The following NPAS3 variants were observed in gnomAD, a reference collection of about 807,000 sequenced individuals.
NPAS3 encodes the protein neuronal PAS domain-containing protein 3.
NPAS3 carries 14 observed loss-of-function variants against 73.1 expected under a neutral mutation model. That is an observed-to-expected ratio of 0.19 (90% confidence interval 0.13 to 0.30). The LOEUF is 0.30. Among genes scored for constraint, NPAS3 ranks in the 10% least tolerant of loss-of-function variants. The pLI is 1.00. For synonymous variants in NPAS3, 620 were observed against 541.5 expected (o/e 1.14, Z -2.01); for missense variants, 1,096 against 1,250.0 (o/e 0.88, Z 1.86).
intron 2 of NPAS3, among the ~76,000 whole-genome samples, chr14:33,174,681 T>A (rs2045521006): frequency 6.6e-6 from 1 of 152,164 alleles, no homozygotes; most frequent in South Asian, 2.1e-4. Context: ...ACCTGATCTT[T>A]AGAGATAAGT....
chr14:33,547,842 C>T (rs973440289), intron 4 of NPAS3, among the ~76,000 whole-genome samples: 1 of 152,166 alleles, frequency 6.6e-6, no homozygotes, highest in African/African-American at 2.4e-5. Context: ...GTCTAAGCAA[C>T]AGTTGTCAGG....
chr14:33,133,619 G>A (rs561830950), intron 2 of NPAS3, among the ~76,000 whole-genome samples: 1 of 152,308 alleles, frequency 6.6e-6, no homozygotes, highest in South Asian at 2.1e-4. Flanking sequence ...ATAGTAAATA[G>A]TAAGAAAGGG....
At chr14:33,717,203 C>T (rs1385223207) in intron 6 of NPAS3, among the ~76,000 whole-genome samples, 2 of 132,846 alleles carry the variant, frequency 1.5e-5, no homozygotes, top group Admixed American at 8.6e-5. Context: ...CCTAAGCATT[C>T]TTGGGCTTTT....
chr14:33,492,710 G>C (rs2051963457), intron 4 of NPAS3, among the ~76,000 whole-genome samples: 1 of 152,186 alleles, frequency 6.6e-6, no homozygotes, highest in South Asian at 2.1e-4. Flanking sequence ...ATGTGTTATT[G>C]ATGAGCTGGC....
intron 4 of NPAS3, among the ~76,000 whole-genome samples, chr14:33,477,819 AT>A (rs1232984851): frequency 1.3e-5 from 2 of 152,280 alleles, no homozygotes; most frequent in African/African-American, 2.4e-5. Flanking sequence ...TTGCTTCACT[AT>A]TTTTTGTAAC....
At chr14:33,664,952 T>C (rs1188754485) in intron 5 of NPAS3, among the ~76,000 whole-genome samples, 11 of 152,202 alleles carry the variant, frequency 7.2e-5, no homozygotes, top group Admixed American at 7.2e-4. Flanking sequence ...AGTGTGGCGA[T>C]TCCTCAAGGA....
intron 3 of NPAS3, among the ~76,000 whole-genome samples, chr14:33,346,583 A>T (rs1293271120): frequency 6.6e-6 from 1 of 152,046 alleles, no homozygotes; most frequent in Non-Finnish European, 1.5e-5. Flanking sequence ...ATAATTTCAA[A>T]TGTGATCTTT....
chr14:33,366,447 C>G (rs942596856), intron 3 of NPAS3, among the ~76,000 whole-genome samples: 1 of 152,070 alleles, frequency 6.6e-6, no homozygotes, highest in African/African-American at 2.4e-5. Flanking sequence ...GCAGGCAAAG[C>G]AGGTGAAGCG....
At chr14:33,090,474 A>G (rs535797891) in intron 2 of NPAS3, among the ~76,000 whole-genome samples, 19 of 152,376 alleles carry the variant, frequency 1.2e-4, no homozygotes, top group African/African-American at 4.6e-4. Context: ...TGCACCCAGT[A>G]CAGGAGAAGC....
At chr14:33,520,351 G>T (rs2053501158) in intron 4 of NPAS3, among the ~76,000 whole-genome samples, 1 of 152,102 alleles carries the variant, frequency 6.6e-6, no homozygotes, top group Admixed American at 6.6e-5. Flanking sequence ...CTCAGATGTT[G>T]TGTGTGCCTC....
chr14:33,136,233 A>G (rs771733372), intron 2 of NPAS3, among the ~76,000 whole-genome samples: 70 of 151,342 alleles, frequency 4.6e-4, no homozygotes, highest in Middle Eastern at 3.4e-3. Context: ...GCTAATTTTT[A>G]TATTTTTAGT....
chr14:32,964,601 T>C (rs2037072641), intron 1 of NPAS3, among the ~76,000 whole-genome samples: 1 of 152,230 alleles, frequency 6.6e-6, no homozygotes, highest in African/African-American at 2.4e-5. Flanking sequence ...TAGATACATC[T>C]GTTGTAAATA....
At chr14:33,032,836 T>C (rs1239230973) in intron 1 of NPAS3, among the ~76,000 whole-genome samples, 4 of 152,232 alleles carry the variant, frequency 2.6e-5, no homozygotes, top group African/African-American at 9.6e-5. Context: ...GGACTGCTTC[T>C]GGGAGATCTT....
intron 2 of NPAS3, among the ~76,000 whole-genome samples, chr14:33,117,856 AT>A (rs1418440585): frequency 6.6e-6 from 1 of 152,140 alleles, no homozygotes; most frequent in Non-Finnish European, 1.5e-5. Flanking sequence ...AATCTTTGAC[AT>A]TTTTGTGTGT....
intron 3 of NPAS3, among the ~76,000 whole-genome samples, chr14:33,350,322 A>G (rs929548493): frequency 6.6e-6 from 1 of 152,208 alleles, no homozygotes; most frequent in South Asian, 2.1e-4. Flanking sequence ...TAAAATATGG[A>G]TGTGTAGAAT....
chr14:33,532,113 C>T (rs987003118), intron 4 of NPAS3, among the ~76,000 whole-genome samples: 1 of 152,120 alleles, frequency 6.6e-6, no homozygotes, highest in African/African-American at 2.4e-5. Context: ...CATTCAGAAA[C>T]TCAGTGGTGG....
At chr14:33,761,543 C>G (rs1038337221) in intron 7 of NPAS3, among the ~76,000 whole-genome samples, 5 of 151,612 alleles carry the variant, frequency 3.3e-5, no homozygotes, top group African/African-American at 7.3e-5. Context: ...CATTTGAACT[C>G]AAGGGGGTTT....
chr14:33,547,659 A>G (rs1274765097), intron 4 of NPAS3, among the ~76,000 whole-genome samples: 1 of 152,244 alleles, frequency 6.6e-6, no homozygotes, highest in Non-Finnish European at 1.5e-5. Context: ...GAAACAGAAG[A>G]AAAGTATGAA....
At chr14:33,452,126 T>C (rs1011526727) in intron 4 of NPAS3, among the ~76,000 whole-genome samples, 2 of 152,156 alleles carry the variant, frequency 1.3e-5, no homozygotes, top group African/African-American at 4.8e-5. Context: ...AAATCTATAT[T>C]GGTTTAATTT....
Sources: allele counts gnomAD v4.1 joint callset (sites outside exome capture counted in the v4.1 genomes callset), GRCh38; gene constraint gnomAD v4.1.1; transcripts MANE v1.5; gene names NCBI Gene and HGNC (gene_info 2026-07-23, HGNC 2026-07-21).